The following TENM2 variants were observed in gnomAD, a reference collection of about 807,000 sequenced individuals.
TENM2 encodes the protein teneurin transmembrane protein 2.
TENM2 carries 52 observed loss-of-function variants against 245.2 expected under a neutral mutation model. That is an observed-to-expected ratio of 0.21 (90% confidence interval 0.17 to 0.27). The LOEUF is 0.27. Among genes scored for constraint, TENM2 ranks in the 10% least tolerant of loss-of-function variants. The pLI, the probability that TENM2 is intolerant of heterozygous loss-of-function variation, is 1.00. For missense variants in TENM2, 3,046 were observed against 3,666.8 expected (o/e 0.83, Z 4.37); for synonymous variants, 1,363 against 1,438.9 (o/e 0.95, Z 1.19).
At chr5:167,653,672 G>A (rs979403243) in intron 2 of TENM2, 1 of 152,186 alleles carries the variant, frequency 6.6e-6, no homozygotes, top group Non-Finnish European at 1.5e-5. Context: ...TTCAGCCAAA[G>A]CAGTTTGAGT....
At chr5:167,910,136 T>C (rs983987472) in intron 3 of TENM2, among the ~76,000 whole-genome samples, 1 of 152,200 alleles carries the variant, frequency 6.6e-6, no homozygotes, top group Non-Finnish European at 1.5e-5. Flanking sequence ...TTTGGAATTA[T>C]CTTCATTTTG....
At chr5:167,730,541 A>G (rs1470340238) in intron 2 of TENM2, among the ~76,000 whole-genome samples, 1 of 152,148 alleles carries the variant, frequency 6.6e-6, no homozygotes, top group African/African-American at 2.4e-5. Context: ...CCTTTATTAT[A>G]TGATAAGACA....
chr5:167,978,390 GA>G (rs1376772720), intron 4 of TENM2, among the ~76,000 whole-genome samples: 2 of 152,068 alleles, frequency 1.3e-5, no homozygotes, highest in African/African-American at 4.8e-5. Context: ...ATGGATGAAT[GA>G]ATAAAGAAAA....
At chr5:168,045,807 C>T (rs571718142) in intron 5 of TENM2, among the ~76,000 whole-genome samples, 4 of 152,292 alleles carry the variant, frequency 2.6e-5, no homozygotes, top group South Asian at 2.1e-4. Flanking sequence ...TTGAAGCCAC[C>T]ATGATTAGTT....
At chr5:167,605,215 T>C (rs1776944758) in intron 2 of TENM2, among the ~76,000 whole-genome samples, 2 of 152,208 alleles carry the variant, frequency 1.3e-5, no homozygotes, top group African/African-American at 4.8e-5. Context: ...TACGATTCTA[T>C]GTTCATTTTT....
intron 12 of TENM2, chr5:168,139,654 G>T (rs1216353627): frequency 1.1e-5 from 5 of 441,990 alleles, no homozygotes; most frequent in Middle Eastern, 3.4e-4. Context: ...AGGGAGGGAA[G>T]AGCCTCTAGA....
chr5:167,863,402 G>A (rs1219352229), intron 2 of TENM2, among the ~76,000 whole-genome samples: 1 of 151,680 alleles, frequency 6.6e-6, no homozygotes, highest in African/African-American at 2.4e-5. Flanking sequence ...ATTGCCTGGG[G>A]TCGGGAGTTT....
intron 1 of TENM2, among the ~76,000 whole-genome samples, chr5:167,365,690 C>T (rs941416290): frequency 6.6e-6 from 1 of 151,840 alleles, no homozygotes; most frequent in African/African-American, 2.4e-5. Flanking sequence ...ATTAGGGTCA[C>T]CATATATTGA....
intron 2 of TENM2, among the ~76,000 whole-genome samples, chr5:167,725,962 A>G (rs1267780963): frequency 2.0e-5 from 3 of 151,816 alleles, no homozygotes; most frequent in Admixed American, 6.6e-5. Flanking sequence ...CCGCCCCCAC[A>G]TGTCTAGTTA....
At chr5:167,471,240 C>A (rs1254454332) in intron 2 of TENM2, among the ~76,000 whole-genome samples, 1 of 152,066 alleles carries the variant, frequency 6.6e-6, no homozygotes, top group Non-Finnish European at 1.5e-5. Flanking sequence ...TGAAGGGAGA[C>A]TAAGGTCCTT....
rs117793700 is a variant in TENM2, at chr5:167,848,084, G to A, written c.503-27902G>A. Among the ~76,000 whole-genome samples the A allele has an allele frequency of 2.0e-4, 30 of 152,292 alleles. 1 individual carries two copies. The East Asian group carries it at 5.6e-3, about 28-fold the overall frequency. On this transcript the variant is annotated intron_variant, in intron 2 of 28. Transcript: ENST00000518659. The stretch of plus-strand genomic sequence containing the variant: ...TCCTTATGTGTTTCTCAACATACCT[G>A]CTGAGCATGCCCAATAACAGAGCCC...
chr5:168,012,298 A>T (rs1227960455), intron 5 of TENM2, among the ~76,000 whole-genome samples: 1 of 152,170 alleles, frequency 6.6e-6, no homozygotes, highest in Non-Finnish European at 1.5e-5. Context: ...GCACGTGGGA[A>T]GATGGGAAAC....
chr5:167,298,410 T>C (rs1038207095), intron 1 of TENM2, among the ~76,000 whole-genome samples: 7 of 152,196 alleles, frequency 4.6e-5, no homozygotes, highest in Non-Finnish European at 8.8e-5. Context: ...GAGACCATCC[T>C]GGCTAACACG....
chr5:168,241,605 CCTCT>C (rs1231798047), intron 25 of TENM2, among the ~76,000 whole-genome samples: 1 of 151,990 alleles, frequency 6.6e-6, no homozygotes, highest in Non-Finnish European at 1.5e-5. Flanking sequence ...AATATTCTAT[CCTCT>C]CTCTGAGATG....
intron 2 of TENM2, among the ~76,000 whole-genome samples, chr5:167,698,962 G>A (rs1476693302): frequency 4.6e-5 from 7 of 152,026 alleles, no homozygotes; most frequent in South Asian, 2.1e-4. Context: ...GATTACAGGC[G>A]TGAGCCACCC....
At chr5:167,957,043 A>C (rs1378980382) in intron 4 of TENM2, among the ~76,000 whole-genome samples, 1 of 151,978 alleles carries the variant, frequency 6.6e-6, no homozygotes, top group Non-Finnish European at 1.5e-5. Context: ...TTTCAGAAGG[A>C]ATGGTACCAG....
intron 14 of TENM2, 62 bp from the exon 17 acceptor site, chr5:168,195,114 G>C (rs1761296733): frequency 6.5e-7 from 1 of 1,546,160 alleles, no homozygotes; most frequent in South Asian, 1.2e-5. Context: ...AGCAGAGGCA[G>C]TGGGGAATTG....
intron 2 of TENM2, among the ~76,000 whole-genome samples, chr5:167,482,248 G>A (rs536180548): frequency 5.9e-5 from 9 of 152,154 alleles, no homozygotes; most frequent in African/African-American, 1.2e-4. Context: ...ACTTGCATAT[G>A]TTTGAAACCT....
exon 27 of TENM2, chr5:168,248,126 A>T: frequency 6.2e-7 from 1 of 1,613,898 alleles, no homozygotes; most frequent in Non-Finnish European, 8.5e-7. Context: ...GCCTATGGGG[A>T]GATTTATTAT....
Sources: allele counts gnomAD v4.1 joint callset (sites outside exome capture counted in the v4.1 genomes callset), GRCh38; gene constraint gnomAD v4.1.1; transcripts MANE v1.5; gene names NCBI Gene and HGNC (gene_info 2026-07-23, HGNC 2026-07-21).